SERINC5: variants seen among roughly 807,000 people sequenced by gnomAD.
SERINC5 encodes the protein chromosome 5 open reading frame 12.
Under a neutral mutation model 63.1 loss-of-function variants are expected in SERINC5, and 41 were observed. The ratio of observed to expected loss-of-function variants is 0.65; its 90% confidence interval spans 0.51 to 0.84. The LOEUF is 0.84. SERINC5 is among the 40% of genes least tolerant of loss of function. The pLI, the probability that SERINC5 is intolerant of heterozygous loss-of-function variation, is 0.00. For synonymous variants in SERINC5, 222 were observed against 215.2 expected (o/e 1.03, Z -0.28); for missense variants, 523 against 573.0 (o/e 0.91, Z 0.89).
chr5:80,219,944 C>A (rs907220474), intron 1 of SERINC5, among the ~76,000 whole-genome samples: 4 of 152,076 alleles, frequency 2.6e-5, no homozygotes, highest in Non-Finnish European at 2.9e-5. Flanking sequence ...CGCGGTGGCT[C>A]ACGCCTGTAA....
chr5:80,153,909 C>T (rs980246521), intron 8 of SERINC5, among the ~76,000 whole-genome samples: 8 of 152,214 alleles, frequency 5.3e-5, no homozygotes, highest in African/African-American at 1.9e-4. Context: ...TGCAGGTGCC[C>T]CTCAACACTG....
intron 8 of SERINC5, among the ~76,000 whole-genome samples, chr5:80,151,962 G>A (rs890862612): frequency 3.3e-5 from 5 of 152,182 alleles, no homozygotes; most frequent in African/African-American, 1.2e-4. Flanking sequence ...CAAGGAGAGA[G>A]ATCAATGAGA....
chr5:80,134,251 C>T (rs150977310), downstream of SERINC5, among the ~76,000 whole-genome samples: 482 of 152,076 alleles, frequency 3.2e-3, 2 homozygotes, highest in African/African-American at 0.011. Flanking sequence ...GTTGGAAGGC[C>T]GAGGCAGGCA....
intron 8 of SERINC5, among the ~76,000 whole-genome samples, chr5:80,154,437 C>T (rs537970207): frequency 2.6e-5 from 4 of 152,184 alleles, no homozygotes; most frequent in African/African-American, 4.8e-5. Flanking sequence ...CCTTGCCCTC[C>T]CAAGGTGCTG....
chr5:80,196,840 C>G (rs140576069), intron 2 of SERINC5, among the ~76,000 whole-genome samples: 5 of 150,704 alleles, frequency 3.3e-5, no homozygotes, highest in African/African-American at 1.2e-4. Flanking sequence ...CTCAGGAGGC[C>G]GAGGAAGGAG....
chr5:80,214,926 T>C (rs1750597231), intron 1 of SERINC5, among the ~76,000 whole-genome samples: 1 of 152,158 alleles, frequency 6.6e-6, no homozygotes, highest in Admixed American at 6.5e-5. Flanking sequence ...GTAAATTTTA[T>C]GTATGCATTT....
downstream of SERINC5, among the ~76,000 whole-genome samples, chr5:80,136,096 C>T (rs1745158283): frequency 6.6e-6 from 1 of 152,070 alleles, no homozygotes; most frequent in Non-Finnish European, 1.5e-5. Context: ...GGTGTGGTGG[C>T]TCACACCTGT....
At chr5:80,164,451 A>G (rs1311583478) in intron 7 of SERINC5, among the ~76,000 whole-genome samples, 2 of 152,010 alleles carry the variant, frequency 1.3e-5, no homozygotes, top group East Asian at 3.9e-4. Context: ...AAGAGCTCAC[A>G]GCTCACTGCA....
At chr5:80,188,050 C>T in intron 2 of SERINC5, among the ~76,000 whole-genome samples, 1 of 151,978 alleles carries the variant, frequency 6.6e-6, no homozygotes, top group East Asian at 1.9e-4. Context: ...TTTGGGAGGC[C>T]GAGGCAGGTG....
At chr5:80,125,630 A>T (rs1438738) in intron 11 of SERINC5, among the ~76,000 whole-genome samples, 110,067 of 152,054 alleles carry the variant, frequency 0.72, 40,464 homozygotes, top group African/African-American at 0.82. Flanking sequence ...ATGACCTTGA[A>T]GACTTGATTT....
intron 5 of SERINC5, among the ~76,000 whole-genome samples, chr5:80,173,678 C>T (rs886564577): frequency 2.0e-5 from 3 of 152,068 alleles, no homozygotes; most frequent in African/African-American, 7.2e-5. Context: ...CCCCCACCCA[C>T]CTCCACCCAG....
At chr5:80,178,821 G>A (rs1283583649) in intron 2 of SERINC5, among the ~76,000 whole-genome samples, 1 of 151,700 alleles carries the variant, frequency 6.6e-6, no homozygotes, top group Non-Finnish European at 1.5e-5. Flanking sequence ...GGTGGGTAGA[G>A]TATTTGTATT....
At chr5:80,181,416 TTGTGTGTGTG>T (rs70982028) in intron 2 of SERINC5, among the ~76,000 whole-genome samples, 116 of 145,444 alleles carry the variant, frequency 8.0e-4, no homozygotes, top group Middle Eastern at 7.0e-3. Context: ...TCAGCTAATT[TTGTGTGTGTG>T]TGTGTGTGTG....
At chr5:80,239,548 A>C (rs1751859450) in intron 1 of SERINC5, among the ~76,000 whole-genome samples, 1 of 151,702 alleles carries the variant, frequency 6.6e-6, no homozygotes, top group Non-Finnish European at 1.5e-5. Context: ...CTCACAGACA[A>C]GCATGAAAAC....
intron 7 of SERINC5, 118 bp downstream of exon 7, chr5:80,166,265 G>T: frequency 5.7e-6 from 4 of 703,838 alleles, no homozygotes; most frequent in South Asian, 3.6e-5. Context: ...CCAGCCTCTG[G>T]TAACCATCTT....
At position 80,139,073 on chromosome 5, in the gene SERINC5, C is replaced by A; in HGVS notation, c.*4590G>T. ...ACCAAAATTCGAATCATATCAGAGA[C>A]CATTATAAATTTCAAACAGTAGATT... On this transcript the variant is annotated 3_prime_UTR_variant, in exon 12 of 12. Transcript: ENST00000507668. 1 of 983,412 alleles carries A rather than the reference C, an allele frequency of 1.0e-6. No homozygotes were observed. The highest frequency in any genetic ancestry group is 1.7e-5 in the African/African-American group (1 of 57,270). 60.9% of individuals were successfully genotyped at this position (983,412 alleles called of 1,614,324 possible).
At chr5:80,176,781 T>C (rs146695840) in intron 4 of SERINC5, among the ~76,000 whole-genome samples, 1 of 152,264 alleles carries the variant, frequency 6.6e-6, no homozygotes, top group East Asian at 1.9e-4. Flanking sequence ...TCCATTTGGG[T>C]TGAACAAAAT....
intron 3 of SERINC5, 27 bp downstream of exon 3, chr5:80,177,859 A>C (rs1473627483): frequency 3.2e-6 from 5 of 1,567,256 alleles, no homozygotes; most frequent in Non-Finnish European, 4.3e-6. Context: ...AGGAGAAAGC[A>C]ATCCCCAAGA....
rs138735806 is a variant in SERINC5 at position 80,146,185 on chromosome 5, G to A, written c.1143C>T (p.Asp381=). ...AGATGTAGACGGTGCCTTTCTTCTC[G>A]TCATAAATGACCCGTGGTCCCTCCT... ...PGKEGPRVIY[D]EKKGTVYIYS... The change falls in exon 11 of 12, where the codon GAC becomes GAT. Residue 381 remains aspartate (D), a synonymous_variant. Coordinates refer to ENST00000507668, the MANE Select transcript of SERINC5 (RefSeq NM_001174072.3). 3.8e-4 allele frequency: 606 copies of A among 1,613,992 alleles called. 1 individual carries two copies. The African/African-American group carries it at 6.8e-3, about 18-fold the overall frequency.
Sources: allele counts gnomAD v4.1 joint callset (sites outside exome capture counted in the v4.1 genomes callset), GRCh38; gene constraint gnomAD v4.1.1; transcripts MANE v1.5; gene names NCBI Gene and HGNC (gene_info 2026-07-23, HGNC 2026-07-21).